Variants in CCSER1 observed in about 807,000 individuals in gnomAD.
CCSER1 encodes the protein coiled-coil serine rich protein 1.
CCSER1 carries 41 observed loss-of-function variants against 82.0 expected under a neutral mutation model. The ratio of observed to expected loss-of-function variants is 0.50; its 90% CI spans 0.39 to 0.65. The LOEUF (loss-of-function observed/expected upper bound fraction) is 0.65. CCSER1 is among the 30% of genes least tolerant of loss of function. The probability of loss-of-function intolerance (pLI) is 0.00; values close to 1 mark genes in which losing one functional copy is unlikely to be tolerated. For synonymous variants in CCSER1, 414 were observed against 383.9 expected (o/e 1.08, Z -0.92); for missense variants, 1,119 against 1,064.2 (o/e 1.05, Z -0.72).
intron 10 of CCSER1, among the ~76,000 whole-genome samples, chr4:91,310,778 G>A (rs189946150): frequency 3.6e-4 from 55 of 151,878 alleles, no homozygotes; most frequent in African/African-American, 1.2e-3. Flanking sequence ...TCAAATCTGT[G>A]GCCCAGGACA....
chr4:90,455,810 C>T (rs1762089605), intron 4 of CCSER1, among the ~76,000 whole-genome samples: 1 of 152,168 alleles, frequency 6.6e-6, no homozygotes, highest in African/African-American at 2.4e-5. Flanking sequence ...GGATGACCTC[C>T]ATCCACGATG....
At chr4:90,586,745 A>G (rs573677513) in intron 5 of CCSER1, among the ~76,000 whole-genome samples, 11 of 152,364 alleles carry the variant, frequency 7.2e-5, no homozygotes, top group African/African-American at 2.6e-4. Flanking sequence ...TTGCATTATT[A>G]TAAGTGCAAG....
chr4:90,802,916 G>A (rs1157914795), intron 7 of CCSER1, among the ~76,000 whole-genome samples: 2 of 146,598 alleles, frequency 1.4e-5, no homozygotes, highest in South Asian at 2.2e-4. Context: ...TTTTTCACTT[G>A]TTCATAAAAT....
intron 7 of CCSER1, among the ~76,000 whole-genome samples, chr4:90,773,335 T>C (rs913406896): frequency 6.6e-6 from 1 of 152,230 alleles, no homozygotes; most frequent in African/African-American, 2.4e-5. Flanking sequence ...ATAATGCTTT[T>C]TGATTGGCAG....
At chr4:90,295,079 C>T (rs1731620418) in intron 1 of CCSER1, among the ~76,000 whole-genome samples, 1 of 151,790 alleles carries the variant, frequency 6.6e-6, no homozygotes, top group African/African-American at 2.4e-5. Flanking sequence ...AATAAATAGA[C>T]CATTTTTAGA....
At chr4:91,307,611 C>G (rs1044892236) in intron 10 of CCSER1, among the ~76,000 whole-genome samples, 2 of 151,876 alleles carry the variant, frequency 1.3e-5, no homozygotes, top group African/African-American at 4.8e-5. Context: ...GCACAACTTA[C>G]AATGAGTAAG....
chr4:90,864,097 A>G (rs770004229), intron 8 of CCSER1, among the ~76,000 whole-genome samples: 2 of 150,982 alleles, frequency 1.3e-5, no homozygotes, highest in African/African-American at 2.4e-5. Context: ...CAACTTGCTC[A>G]CTAATGTTTT....
At chr4:91,292,043 A>T (rs1003942310) in intron 10 of CCSER1, among the ~76,000 whole-genome samples, 1 of 152,020 alleles carries the variant, frequency 6.6e-6, no homozygotes, top group African/African-American at 2.4e-5. Context: ...AAATTTGGAA[A>T]GTTTTCCTCT....
intron 9 of CCSER1, among the ~76,000 whole-genome samples, chr4:90,985,835 A>G (rs1167642338): frequency 6.6e-6 from 1 of 151,760 alleles, no homozygotes; most frequent in Non-Finnish European, 1.5e-5. Flanking sequence ...GACTTGTTCA[A>G]TTAATAAGTG....
chr4:90,229,974 G>A (rs1299108220), intron 1 of CCSER1, among the ~76,000 whole-genome samples: 7 of 152,150 alleles, frequency 4.6e-5, no homozygotes, highest in Non-Finnish European at 1.0e-4. Flanking sequence ...CATAAGGCAA[G>A]TCCTGAGCGA....
At chr4:90,999,773 G>GT (rs1399904015) in intron 9 of CCSER1, among the ~76,000 whole-genome samples, 12 of 150,024 alleles carry the variant, frequency 8.0e-5, no homozygotes, top group African/African-American at 2.9e-4. Context: ...CATTGCAATT[G>GT]TTTTTTTCTT....
In CCSER1 at chr4:91,181,281, T is replaced by C. The variant is rs1194973790; in HGVS notation, c.2217+95287T>C. Among the ~76,000 whole-genome samples, 7 of 152,348 alleles carry C rather than the reference T, an allele frequency of 4.6e-5. No individual in the cohort carries two copies. In the South Asian group the frequency reaches 1.2e-3, roughly 27 times the overall value. The stretch of plus-strand genomic sequence containing the variant: ...CTTCTCACAGGAGTCAGGATCCACA[T>C]CTGCAGACTACCCAAAGACAATACA... On this transcript the variant is annotated intron_variant, in intron 10 of 10. Coordinates refer to ENST00000509176, the MANE Select transcript of CCSER1 (RefSeq NM_001145065.2).
intron 10 of CCSER1, among the ~76,000 whole-genome samples, chr4:91,105,117 G>C (rs1413840304): frequency 6.6e-6 from 1 of 152,020 alleles, no homozygotes; most frequent in East Asian, 1.9e-4. Context: ...ATAGAGTTTA[G>C]CTCCCACTTA....
chr4:90,800,875 A>T (rs1401754709), intron 7 of CCSER1, among the ~76,000 whole-genome samples: 1 of 152,204 alleles, frequency 6.6e-6, no homozygotes, highest in Non-Finnish European at 1.5e-5. Context: ...TTATTTTTAA[A>T]TTTTAAATTT....
intron 10 of CCSER1, among the ~76,000 whole-genome samples, chr4:91,246,808 T>TCATACACA (rs895041543): frequency 7.4e-6 from 1 of 134,748 alleles, no homozygotes; most frequent in Admixed American, 7.4e-5. Flanking sequence ...AAAAGGCATC[T>TCATACACA]CATACACACA....
chr4:91,199,136 C>G (rs906598998), intron 10 of CCSER1, among the ~76,000 whole-genome samples: 1 of 152,084 alleles, frequency 6.6e-6, no homozygotes, highest in African/African-American at 2.4e-5. Flanking sequence ...AGAGGAATAA[C>G]AAGTGTTTAT....
intron 6 of CCSER1, among the ~76,000 whole-genome samples, chr4:90,710,103 G>A (rs1740263689): frequency 6.6e-6 from 1 of 151,804 alleles, no homozygotes; most frequent in Admixed American, 6.6e-5. Flanking sequence ...AAGTGTCTAT[G>A]CAAGTCCTTT....
At chr4:90,232,909 C>T (rs1411857607) in intron 1 of CCSER1, among the ~76,000 whole-genome samples, 1 of 151,154 alleles carries the variant, frequency 6.6e-6, no homozygotes, top group Non-Finnish European at 1.5e-5. Context: ...AAATGCAAAT[C>T]AAAACCACAA....
At chr4:90,871,736 G>A (rs185512532) in intron 8 of CCSER1, among the ~76,000 whole-genome samples, 1 of 151,836 alleles carries the variant, frequency 6.6e-6, no homozygotes, top group East Asian at 1.9e-4. Flanking sequence ...CTATCTGTGT[G>A]ATCTCTCTAA....
Sources: allele counts gnomAD v4.1 joint callset (sites outside exome capture counted in the v4.1 genomes callset), GRCh38; gene constraint gnomAD v4.1.1; transcripts MANE v1.5; gene names NCBI Gene and HGNC (gene_info 2026-07-23, HGNC 2026-07-21).